Variants in HTR4 observed in about 807,000 individuals in gnomAD.
HTR4 encodes 5-hydroxytryptamine receptor 4, also known as 5-hydroxytryptamine (serotonin) receptor 4, G protein-coupled.
HTR4 carries 16 observed loss-of-function variants against 36.8 expected under a neutral mutation model. The observed-to-expected ratio is 0.43, with a 90% confidence interval of 0.29 to 0.66. The LOEUF (loss-of-function observed/expected upper bound fraction) is 0.66, where lower values mean the gene tolerates loss of function less well. Ranked by LOEUF, HTR4 falls within the 30% of genes least tolerant of loss-of-function variation. The pLI, the probability that HTR4 is intolerant of heterozygous loss-of-function variation, is 0.13. For missense variants in HTR4, 438 were observed against 490.9 expected, an observed-to-expected ratio of 0.89 and a Z score of 1.02; for synonymous variants, 189 against 185.1, an observed-to-expected ratio of 1.02 and a Z score of -0.17.
chr5:148,561,122 G>A (rs1384041026), intron 2 of HTR4, among the ~76,000 whole-genome samples: 2 of 152,176 alleles, frequency 1.3e-5, no homozygotes, highest in East Asian at 1.9e-4. Flanking sequence ...CACAGCTGGT[G>A]AAGGTTAGGT....
intron 2 of HTR4, among the ~76,000 whole-genome samples, chr5:148,571,163 A>G (rs1158702592): frequency 6.6e-6 from 1 of 152,144 alleles, no homozygotes; most frequent in East Asian, 1.9e-4. Context: ...GTTTGTAATT[A>G]TCTAATCTAG....
chr5:148,511,726 C>T (rs957700115), intron 5 of HTR4, among the ~76,000 whole-genome samples: 2 of 151,406 alleles, frequency 1.3e-5, no homozygotes, highest in African/African-American at 4.9e-5. Flanking sequence ...TATATACAGC[C>T]AAACAGTTCC....
At chr5:148,560,352 T>G (rs970260751) in intron 2 of HTR4, among the ~76,000 whole-genome samples, 4 of 152,158 alleles carry the variant, frequency 2.6e-5, no homozygotes, top group Admixed American at 6.5e-5. Flanking sequence ...CACAGACTGC[T>G]GAACCCACCC....
intron 6 of HTR4, among the ~76,000 whole-genome samples, chr5:148,501,003 T>C: frequency 6.7e-6 from 1 of 148,558 alleles, no homozygotes; most frequent in South Asian, 2.2e-4. Flanking sequence ...TTTTGGTAGC[T>C]ATCTGAAAGA....
In HTR4 at chr5:148,536,193, G is replaced by T. The variant is rs189559925; in HGVS notation, c.353+12475C>A. On this transcript the variant is annotated intron_variant, in intron 4 of 6. Coordinates refer to ENST00000377888, the MANE Select transcript of HTR4 (RefSeq NM_000870.7). ...TTTCAGATAAGCAAATATTGAGGGA[G>T]TTTGTTACCACCAGACCTGCTTTAC... Among the ~76,000 whole-genome samples the T allele has an allele frequency of 8.5e-5, 13 of 152,214 alleles. No individual in the cohort carries two copies. The East Asian group carries it at 2.1e-3, about 25-fold the overall frequency.
At chr5:148,600,474 T>C (rs1971719) in intron 2 of HTR4, among the ~76,000 whole-genome samples, 18,569 of 150,042 alleles carry the variant, frequency 0.12, 1,248 homozygotes, top group African/African-American at 0.16. Context: ...CCCTAAATAC[T>C]CCAGAAAAAA....
chr5:148,488,319 G>C (rs950298565), intron 6 of HTR4, among the ~76,000 whole-genome samples: 7 of 152,190 alleles, frequency 4.6e-5, no homozygotes, highest in African/African-American at 1.7e-4. Context: ...TTCTGACTCA[G>C]TGTGGTCCTG....
At chr5:148,478,599 T>A (rs766138484), downstream of HTR4, among the ~76,000 whole-genome samples, 1 of 152,118 alleles carries the variant, frequency 6.6e-6, no homozygotes, top group African/African-American at 2.4e-5. Context: ...CAGAGGGTAT[T>A]CCCTGGTCCA....
chr5:148,479,429 GTTA>G (rs754740255), downstream of HTR4, among the ~76,000 whole-genome samples: 4 of 152,036 alleles, frequency 2.6e-5, no homozygotes, highest in Non-Finnish European at 4.4e-5. Flanking sequence ...TCAAAATTCA[GTTA>G]TTAGTTTTCA....
intron 1 of HTR4, among the ~76,000 whole-genome samples, chr5:148,648,132 A>G (rs1753928237): frequency 6.6e-6 from 1 of 152,196 alleles, no homozygotes; most frequent in African/African-American, 2.4e-5. Flanking sequence ...TAGTTCTTTC[A>G]ACTTTTCCCT....
intron 5 of HTR4, among the ~76,000 whole-genome samples, chr5:148,457,744 A>G (rs189984667): frequency 0.015 from 2,099 of 144,154 alleles, 62 homozygotes; most frequent in African/African-American, 0.051. Context: ...ATTTTGGTAT[A>G]TCATTAAAAT....
At chr5:148,639,196 G>A (rs912805328) in intron 1 of HTR4, among the ~76,000 whole-genome samples, 1 of 152,090 alleles carries the variant, frequency 6.6e-6, no homozygotes, top group African/African-American at 2.4e-5. Flanking sequence ...TCTGTCTCCT[G>A]CCAGAATGAT....
intron 2 of HTR4, among the ~76,000 whole-genome samples, chr5:148,601,256 C>G (rs1298393304): frequency 1.3e-5 from 2 of 151,992 alleles, no homozygotes; most frequent in Non-Finnish European, 2.9e-5. Flanking sequence ...TAAATTGGCA[C>G]AAGCATTATG....
At chr5:148,575,527 A>C (rs1174011439) in intron 2 of HTR4, among the ~76,000 whole-genome samples, 2 of 152,064 alleles carry the variant, frequency 1.3e-5, no homozygotes, top group African/African-American at 4.8e-5. Context: ...TTTTGGTACT[A>C]CCTAGTAAAG....
chr5:148,632,483 A>G (rs552071223), intron 2 of HTR4, among the ~76,000 whole-genome samples: 1 of 152,286 alleles, frequency 6.6e-6, no homozygotes, highest in Admixed American at 6.5e-5. Flanking sequence ...GCAAGAGGAT[A>G]GAGAGCTCAT....
chr5:148,505,929 G>C (rs375752859), intron 6 of HTR4, among the ~76,000 whole-genome samples: 1 of 152,004 alleles, frequency 6.6e-6, no homozygotes, highest in African/African-American at 2.4e-5. Context: ...AATCAATATC[G>C]CGAAAATGGC....
chr5:148,465,974 A>C, intron 5 of HTR4: 4 of 1,585,032 alleles, frequency 2.5e-6, no homozygotes, highest in Non-Finnish European at 3.4e-6. Flanking sequence ...AGCCAAGCAG[A>C]ATTTGGGAAA....
At chr5:148,571,641 C>T (rs1374026842) in intron 2 of HTR4, among the ~76,000 whole-genome samples, 1 of 151,952 alleles carries the variant, frequency 6.6e-6, no homozygotes. Flanking sequence ...ATATGACTTT[C>T]AAGAGCTAGG....
At position 148,481,797 on chromosome 5, in the gene HTR4, G is replaced by A. The variant is rs1001356687; in HGVS notation, c.*1406C>T. Reference sequence around the variant, plus strand: ...TACCTTCCCGGGACTTCTGCTATGGGGCATTCGCAAGAGCCACTGACTCAG... The same window carrying A: ...TACCTTCCCGGGACTTCTGCTATGGAGCATTCGCAAGAGCCACTGACTCAG... On this transcript the variant is annotated 3_prime_UTR_variant, in exon 7 of 7. Transcript: ENST00000377888. 12 of 1,366,360 alleles carry A rather than the reference G, an allele frequency of 8.8e-6. No individual in the cohort carries two copies. Among genetic ancestry groups the A allele is most frequent in the Non-Finnish European group, 1.1e-5 (12 of 1,067,290 alleles). The allele number at this position is 1,366,360 out of a possible 1,614,324, so 84.6% of individuals were successfully genotyped here.
Sources: allele counts gnomAD v4.1 joint callset (sites outside exome capture counted in the v4.1 genomes callset), GRCh38; gene constraint gnomAD v4.1.1; transcripts MANE v1.5; gene names NCBI Gene and HGNC (gene_info 2026-07-23, HGNC 2026-07-21).